Variants in PCGF3 observed in about 807,000 individuals in gnomAD.
PCGF3 encodes polycomb group ring finger 3, also known as polycomb group RING finger protein 3.
A neutral mutation model predicts 33.1 loss-of-function variants in PCGF3; 7 were observed. The observed-to-expected ratio is 0.21, with a 90% confidence interval of 0.12 to 0.40. The LOEUF (loss-of-function observed/expected upper bound fraction) is 0.40, where lower values mean the gene tolerates loss of function less well. Among genes scored for constraint, PCGF3 ranks in the 10% least tolerant of loss-of-function variants. The pLI, the probability that PCGF3 is intolerant of heterozygous loss-of-function variation, is 1.00. For missense variants in PCGF3, 211 were observed against 313.3 expected (o/e 0.67, Z 2.46); for synonymous variants, 153 against 121.3 (o/e 1.26, Z -1.72).
chr4:729,970 GA>G (rs1407216199), intron 1 of PCGF3, among the ~76,000 whole-genome samples: 1 of 152,112 alleles, frequency 6.6e-6, no homozygotes, highest in African/African-American at 2.4e-5. Flanking sequence ...CAGCCACCCT[GA>G]TGCCCCATCC....
chr4:766,113 C>G, exon 11 of PCGF3: 1 of 1,605,428 alleles, frequency 6.2e-7, no homozygotes, highest in East Asian at 2.2e-5. Flanking sequence ...ACTGGGCCCT[C>G]GCACCCTTGG....
chr4:740,474 G>A (rs765530134), intron 6 of PCGF3, among the ~76,000 whole-genome samples: 14 of 152,114 alleles, frequency 9.2e-5, no homozygotes, highest in Non-Finnish European at 2.1e-4. Context: ...TCTTTCACTC[G>A]GTGGGCGTGT....
chr4:741,362 G>A (rs4234853), intron 6 of PCGF3, among the ~76,000 whole-genome samples: 31,090 of 152,212 alleles, frequency 0.2, 3,694 homozygotes, highest in Middle Eastern at 0.28. Flanking sequence ...CTGGACTGCC[G>A]CAGCTCAAGA....
At chr4:714,789 G>C (rs1241656472) in intron 1 of PCGF3, among the ~76,000 whole-genome samples, 4 of 152,238 alleles carry the variant, frequency 2.6e-5, no homozygotes, top group Non-Finnish European at 5.9e-5. Context: ...TTCTCACTAG[G>C]TCACGCAAAC....
chr4:732,729 G>A (rs1009771558), intron 3 of PCGF3, among the ~76,000 whole-genome samples: 1 of 152,198 alleles, frequency 6.6e-6, no homozygotes, highest in African/African-American at 2.4e-5. Flanking sequence ...TTTGGGTCGC[G>A]GCTTTCCGTC....
In PCGF3 at chr4:759,794, C is replaced by T. The variant is rs1490011363; in HGVS notation, c.463-1485C>T. On this transcript the variant is annotated intron_variant, in intron 8 of 10. Transcript: ENST00000362003. ...TCCGGACTCCGGGTCTTTCTCCCCGCGCGGCCCCTCTCCCGAGTTGTTCTC... is the reference window on the plus strand; with the variant it reads ...TCCGGACTCCGGGTCTTTCTCCCCGTGCGGCCCCTCTCCCGAGTTGTTCTC... Among the ~76,000 whole-genome samples, 2 of 5,438 alleles carry T rather than the reference C, an allele frequency of 3.7e-4. 1 individual carries two copies. The highest frequency in any genetic ancestry group is 8.7e-4 in the Non-Finnish European group (2 of 2,308). 3.6% of individuals were successfully genotyped at this position (5,438 alleles called of 152,430 possible). A position where few individuals can be genotyped will look rare whatever the true frequency, so the allele number is the denominator to read the frequency against.
At chr4:732,380 C>CCCCTCCCTTCTCCTTCCCCTT (rs1743630181) in intron 3 of PCGF3, 1 of 157,678 alleles carries the variant, frequency 6.3e-6, no homozygotes, top group Non-Finnish European at 1.4e-5. Context: ...TCCTTCCCCT[C>CCCCTCCCTTCTCCTTCCCCTT]CCTCTCCCTT....
exon 11 of PCGF3, chr4:768,688 G>A (rs1553849933): frequency 6.6e-6 from 1 of 152,420 alleles, no homozygotes; most frequent in Non-Finnish European, 1.5e-5. Flanking sequence ...GGTTAAAAAA[G>A]AAAACTTAAC....
chr4:711,443 CTTTTTTTTTTCTT>C (rs1253454372), intron 1 of PCGF3, among the ~76,000 whole-genome samples: 1 of 122,940 alleles, frequency 8.1e-6, no homozygotes, highest in Non-Finnish European at 1.8e-5. Context: ...TGTAATTTTT[CTTTTTTTTTTCTT>C]TTTTTTTTTT....
In PCGF3 at chr4:736,925, C is replaced by T. The variant is rs113464320; in HGVS notation, c.207-541C>T. On this transcript the variant is annotated intron_variant, in intron 5 of 10. Transcript: ENST00000362003. ...GACGGTGTCCCCTGAGCGCACGGGA[C>T]GCGGGGAACCTGGGGTGTCTGCAGG... 8.8e-5 allele frequency among the ~76,000 whole-genome samples: 3 copies of T among 34,214 alleles called. No homozygotes were observed. In the East Asian group the frequency reaches 2.7e-3, roughly 31 times the overall value. The allele number at this position is 34,214 out of a possible 152,430, so 22.4% of individuals were successfully genotyped here. A position where few individuals can be genotyped will look rare whatever the true frequency, so the allele number is the denominator to read the frequency against.
chr4:710,142 A>G (rs1742504321), intron 1 of PCGF3, among the ~76,000 whole-genome samples: 1 of 152,190 alleles, frequency 6.6e-6, no homozygotes, highest in Non-Finnish European at 1.5e-5. Context: ...CAACAGTCCG[A>G]TGATAACTTA....
intron 6 of PCGF3, among the ~76,000 whole-genome samples, chr4:738,675 C>T (rs1304392115): frequency 7.2e-6 from 1 of 139,424 alleles, no homozygotes; most frequent in Non-Finnish European, 1.5e-5. Context: ...TAGTGAAACC[C>T]TGTCTCTACC....
Position 761,432 on chromosome 4 carries a change from T to TAA in PCGF3, c.600+17_600+18dup. The TAA allele has an allele frequency of 6.3e-7, 1 of 1,583,618 alleles. No homozygotes were observed. The highest frequency in any genetic ancestry group is 8.6e-7 in the Non-Finnish European group (1 of 1,162,758). Reference sequence around the variant, plus strand: ...CTTTAACGAGGTAACAGTTGATCCCTAAGTAGAAACCATAACAAGTCCTCT... The same window carrying TAA: ...CTTTAACGAGGTAACAGTTGATCCCTAAAAGTAGAAACCATAACAAGTCCTCT... On this transcript the variant is annotated intron_variant, in intron 9 of 10. Coordinates refer to ENST00000362003, the Ensembl canonical transcript of PCGF3.
chr4:733,630 G>A (rs1220278721), intron 3 of PCGF3, 42 bp from the exon 4 acceptor site: 3 of 1,565,572 alleles, frequency 1.9e-6, no homozygotes, highest in East Asian at 4.5e-5. Flanking sequence ...TGAAAGGCAT[G>A]GAAGAGTTTC....
chr4:714,401 G>A (rs1742715641), intron 1 of PCGF3, among the ~76,000 whole-genome samples: 1 of 152,194 alleles, frequency 6.6e-6, no homozygotes, highest in Admixed American at 6.5e-5. Flanking sequence ...CAGGAGCCTT[G>A]CTGGGAAGGT....
At chr4:757,509 A>G (rs969971886) in intron 8 of PCGF3, 5 of 152,276 alleles carry the variant, frequency 3.3e-5, no homozygotes, top group Non-Finnish European at 5.9e-5. Context: ...GTCCCATGAC[A>G]TACTAATCTA....
In PCGF3 at chr4:734,390, GATCTTTA is replaced by G; in HGVS notation, c.110-539_110-533del. On this transcript the variant is annotated intron_variant, in intron 4 of 10. Coordinates refer to ENST00000362003, the Ensembl canonical transcript of PCGF3. ...GCTGGGGAGCATTTTGTTTAAACAGGATCTTTAAAATGAAGTGTACGCTTATAATACA... is the reference window on the plus strand; with the variant it reads ...GCTGGGGAGCATTTTGTTTAAACAGGAAATGAAGTGTACGCTTATAATACA... 3.6e-6 allele frequency: 5 copies of G among 1,391,684 alleles called. No individual in the cohort carries two copies. In the South Asian group the frequency reaches 9.5e-5, roughly 26 times the overall value. The allele number at this position is 1,391,684 out of a possible 1,614,324, so 86.2% of individuals were successfully genotyped here. A position where few individuals can be genotyped will look rare whatever the true frequency, so the allele number is the denominator to read the frequency against.
In PCGF3 at chr4:749,476, C is replaced by CTTTTTTT. The variant is rs71640348; in HGVS notation, c.462+4806_462+4812dup. Among the ~76,000 whole-genome samples the CTTTTTTT allele has an allele frequency of 6.3e-3, 476 of 75,462 alleles. 21 individuals carry two copies. The highest frequency in any genetic ancestry group is 0.025 in the East Asian group (60 of 2,394). The allele number at this position is 75,462 out of a possible 152,430, so 49.5% of individuals were successfully genotyped here. A position where few individuals can be genotyped will look rare whatever the true frequency, so the allele number is the denominator to read the frequency against. On this transcript the variant is annotated intron_variant, in intron 8 of 10. Transcript: ENST00000362003. Reference sequence around the variant, plus strand: ...ACCATGCCCTGCTGAATTTTCTTTCCTTTTTTTTTTTTTTTTTTTTTTTTG... The same window carrying CTTTTTTT: ...ACCATGCCCTGCTGAATTTTCTTTCCTTTTTTTTTTTTTTTTTTTTTTTTTTTTTTTG...
chr4:755,671 T>C (rs1489240568), intron 8 of PCGF3, among the ~76,000 whole-genome samples: 1 of 152,084 alleles, frequency 6.6e-6, no homozygotes, highest in African/African-American at 2.4e-5. Flanking sequence ...AGTTGGGTTG[T>C]AAGCCCCTGC....
Sources: allele counts gnomAD v4.1 joint callset (sites outside exome capture counted in the v4.1 genomes callset), GRCh38; gene constraint gnomAD v4.1.1; transcripts MANE v1.5; gene names NCBI Gene and HGNC (gene_info 2026-07-23, HGNC 2026-07-21).